The following CATSPERE variants were observed in gnomAD, a reference collection of about 807,000 sequenced individuals.
CATSPERE encodes the protein cation channel sperm-associated auxiliary subunit epsilon.
A neutral mutation model predicts 114.1 loss-of-function variants in CATSPERE; 93 were observed. That is an observed-to-expected ratio of 0.81 (90% confidence interval 0.69 to 0.97). The LOEUF is 0.97. CATSPERE is among the 50% of genes least tolerant of loss of function. CATSPERE has a pLI of 0.00. For synonymous variants in CATSPERE, 341 were observed against 384.1 expected, an observed-to-expected ratio of 0.89 and a Z score of 1.31; for missense variants, 1,058 against 1,131.6, an observed-to-expected ratio of 0.93 and a Z score of 0.93.
At chr1:244,525,808 C>T (rs1437087343) in intron 8 of CATSPERE, among the ~76,000 whole-genome samples, 1 of 152,162 alleles carries the variant, frequency 6.6e-6, no homozygotes, top group Non-Finnish European at 1.5e-5. Flanking sequence ...ATAATGAAGA[C>T]ACCAAACATA....
intron 15 of CATSPERE, among the ~76,000 whole-genome samples, chr1:244,592,154 G>A (rs543924157): frequency 2.4e-4 from 36 of 152,110 alleles, no homozygotes; most frequent in Non-Finnish European, 4.7e-4. Flanking sequence ...TTCAAGACCA[G>A]CCTGGCCAAC....
chr1:244,581,164 A>G (rs1005844024), intron 11 of CATSPERE, among the ~76,000 whole-genome samples: 1 of 152,150 alleles, frequency 6.6e-6, no homozygotes, highest in Non-Finnish European at 1.5e-5. Context: ...ATCCATAAAC[A>G]TCTACATATA....
intron 13 of CATSPERE, among the ~76,000 whole-genome samples, chr1:244,584,920 A>T (rs541240862): frequency 9.2e-5 from 14 of 152,286 alleles, no homozygotes; most frequent in Non-Finnish European, 1.8e-4. Flanking sequence ...ATGCCAGCTT[A>T]ATCCACGTAG....
At chr1:244,492,903 T>A in intron 6 of CATSPERE, among the ~76,000 whole-genome samples, 1 of 149,336 alleles carries the variant, frequency 6.7e-6, no homozygotes, top group South Asian at 2.2e-4. Flanking sequence ...GTGAAGGACC[T>A]CTTCAAGGAG....
At chr1:244,481,975 A>G (rs552151257) in intron 5 of CATSPERE, among the ~76,000 whole-genome samples, 15 of 152,316 alleles carry the variant, frequency 9.8e-5, no homozygotes, top group East Asian at 7.7e-4. Flanking sequence ...AAGACCTAAG[A>G]GCTAGGGCTG....
chr1:244,593,272 G>C, intron 15 of CATSPERE, 123 bp from the exon 16 acceptor site: 1 of 947,186 alleles, frequency 1.1e-6, no homozygotes, highest in Non-Finnish European at 1.6e-6. Context: ...AAGTGCCTCA[G>C]TATTTCATAA....
At chr1:244,543,945 A>T (rs1299528117) in intron 8 of CATSPERE, among the ~76,000 whole-genome samples, 2 of 152,152 alleles carry the variant, frequency 1.3e-5, no homozygotes, top group Non-Finnish European at 2.9e-5. Flanking sequence ...TGTACAGTGA[A>T]GGACCACCAG....
chr1:244,598,613 G>A, intron 17 of CATSPERE: 1 of 352,056 alleles, frequency 2.8e-6, no homozygotes. Flanking sequence ...TCTTATGCTT[G>A]CCTCCCTTTT....
chr1:244,542,049 C>G (rs1170407887), intron 8 of CATSPERE, among the ~76,000 whole-genome samples: 6 of 148,632 alleles, frequency 4.0e-5, no homozygotes, highest in Non-Finnish European at 8.9e-5. Context: ...GGAGATATAC[C>G]TAATGCTAGG....
chr1:244,546,766 A>G (rs957544143), intron 8 of CATSPERE, among the ~76,000 whole-genome samples: 1 of 152,214 alleles, frequency 6.6e-6, no homozygotes, highest in Non-Finnish European at 1.5e-5. Flanking sequence ...CTGAAGACAG[A>G]TTACTTGAAA....
chr1:244,496,164 A>T (rs1673052913), intron 6 of CATSPERE, among the ~76,000 whole-genome samples: 1 of 152,252 alleles, frequency 6.6e-6, no homozygotes, highest in African/African-American at 2.4e-5. Context: ...CGTTTAAACT[A>T]AACAATTAAG....
intron 8 of CATSPERE, among the ~76,000 whole-genome samples, chr1:244,533,933 G>A (rs930367257): frequency 2.0e-5 from 3 of 152,046 alleles, no homozygotes; most frequent in Non-Finnish European, 4.4e-5. Context: ...AGCATTTCTT[G>A]TAGGACAGAT....
At position 244,625,426 on chromosome 1, in the gene CATSPERE, A is replaced by ATTTTTTTTTTTTT. The variant is rs1326525192; in HGVS notation, c.2648+7741_2648+7742insTTTTTTTTTTTTT. Among the ~76,000 whole-genome samples, 22 of 3,942 alleles carry ATTTTTTTTTTTTT rather than the reference A, an allele frequency of 5.6e-3. 1 individual carries two copies. Among genetic ancestry groups the ATTTTTTTTTTTTT allele is most frequent in the Admixed American group, 0.01 (2 of 192 alleles). The allele number at this position is 3,942 out of a possible 152,430, so 2.6% of individuals were successfully genotyped here. The stretch of plus-strand genomic sequence containing the variant: ...ATTATTTATATATATATATATATAT[A>ATTTTTTTTTTTTT]TATATATTTTTTTTTTTTTTTGAGA... On this transcript the variant is annotated intron_variant, in intron 20 of 21. Transcript: ENST00000366534.
chr1:244,542,059 G>A (rs1347261402), intron 8 of CATSPERE, among the ~76,000 whole-genome samples: 1 of 149,250 alleles, frequency 6.7e-6, no homozygotes, highest in Non-Finnish European at 1.5e-5. Context: ...CTAATGCTAG[G>A]TGATGAGTTA....
intron 8 of CATSPERE, among the ~76,000 whole-genome samples, chr1:244,547,362 G>A (rs1659918630): frequency 1.3e-5 from 2 of 152,122 alleles, no homozygotes; most frequent in South Asian, 4.1e-4. Flanking sequence ...ATGCTAATGA[G>A]TAATATGAAA....
At chr1:244,635,396 T>C (rs1489466806) in intron 20 of CATSPERE, 93 bp from the exon 21 acceptor site, 9 of 868,630 alleles carry the variant, frequency 1.0e-5, no homozygotes, top group Admixed American at 8.2e-5. Flanking sequence ...ACTAGGATTA[T>C]ATATGGTTTG....
intron 17 of CATSPERE, among the ~76,000 whole-genome samples, chr1:244,604,297 T>A (rs1338596409): frequency 2.0e-5 from 3 of 152,238 alleles, no homozygotes; most frequent in East Asian, 3.8e-4. Flanking sequence ...TCTGAGTTCA[T>A]CTCTTCATGA....
At position 244,593,440 on chromosome 1, in the gene CATSPERE, A is replaced by G; in HGVS notation, c.2223+12A>G. 2 of 1,613,692 alleles carry G rather than the reference A, an allele frequency of 1.2e-6. No individual in the cohort carries two copies. Among genetic ancestry groups the G allele is most frequent in the South Asian group, 2.2e-5 (2 of 91,050 alleles). On this transcript the variant is annotated intron_variant, in intron 16 of 21. Transcript: ENST00000366534. ...CATCGAAAAACTTGGTAAGAAAATGATAAAATTCTGTCAATGGACCAAATA... is the reference window on the plus strand; with the variant it reads ...CATCGAAAAACTTGGTAAGAAAATGGTAAAATTCTGTCAATGGACCAAATA...
At chr1:244,513,811 C>G (rs1676150207) in intron 7 of CATSPERE, among the ~76,000 whole-genome samples, 1 of 152,134 alleles carries the variant, frequency 6.6e-6, no homozygotes, top group African/African-American at 2.4e-5. Context: ...TGCATGCAGG[C>G]CGCACTGGTG....
Sources: gnomAD v4.1 joint callset for allele counts (sites outside exome capture counted in the v4.1 genomes callset) on GRCh38, gnomAD v4.1.1 for gene constraint, MANE v1.5 for transcripts, NCBI Gene and HGNC (gene_info 2026-07-23, HGNC 2026-07-21) for gene names.